The following ZNF420 variants were observed in gnomAD, a reference collection of about 807,000 sequenced individuals.
ZNF420 encodes the protein ATM and p53-associated KZNF protein.
ZNF420 carries 31 observed loss-of-function variants against 44.7 expected under a neutral mutation model. The observed-to-expected ratio is 0.69, with a 90% CI of 0.52 to 0.94. The LOEUF (loss-of-function observed/expected upper bound fraction) is 0.94. Ranked by LOEUF, ZNF420 falls within the 40% of genes least tolerant of loss-of-function variation. The pLI is 0.00. For missense variants in ZNF420, 681 were observed against 827.9 expected, an observed-to-expected ratio of 0.82 and a Z score of 2.18; for synonymous variants, 245 against 267.4, an observed-to-expected ratio of 0.92 and a Z score of 0.82.
chr19:37,015,022 T>C (rs977776938), intron 1 of ZNF420, among the ~76,000 whole-genome samples: 4 of 152,176 alleles, frequency 2.6e-5, no homozygotes, highest in African/African-American at 9.6e-5. Context: ...ACGGCCTGCC[T>C]ATGTGCCCGA....
intron 4 of ZNF420, among the ~76,000 whole-genome samples, chr19:37,112,528 G>A (rs1212131842): frequency 6.6e-6 from 1 of 152,150 alleles, no homozygotes; most frequent in Non-Finnish European, 1.5e-5. Flanking sequence ...TGAAAGCAAT[G>A]ATAGAGACAT....
intron 4 of ZNF420, among the ~76,000 whole-genome samples, chr19:37,101,801 A>T (rs757089610): frequency 7.9e-5 from 12 of 152,198 alleles, no homozygotes; most frequent in Admixed American, 6.5e-5. Context: ...GGTGGCCCAG[A>T]TGGGTGTGCC....
chr19:37,027,390 G>A (rs1308520944), intron 1 of ZNF420, among the ~76,000 whole-genome samples: 2 of 152,148 alleles, frequency 1.3e-5, no homozygotes, highest in Non-Finnish European at 2.9e-5. Flanking sequence ...TCTTGTTAGT[G>A]TGGTATATTT....
intron 1 of ZNF420, among the ~76,000 whole-genome samples, chr19:37,014,023 A>C (rs1277839912): frequency 6.6e-6 from 1 of 152,184 alleles, no homozygotes; most frequent in Non-Finnish European, 1.5e-5. Flanking sequence ...GGAAAAGCAA[A>C]TCACACCTGG....
At chr19:37,105,653 C>T (rs1380662063) in intron 4 of ZNF420, among the ~76,000 whole-genome samples, 1 of 152,140 alleles carries the variant, frequency 6.6e-6, no homozygotes, top group Non-Finnish European at 1.5e-5. Flanking sequence ...GATATTGATT[C>T]TTCCTATCCA....
intron 1 of ZNF420, among the ~76,000 whole-genome samples, chr19:37,057,710 G>T (rs1318611243): frequency 6.6e-6 from 1 of 151,962 alleles, no homozygotes; most frequent in Non-Finnish European, 1.5e-5. Context: ...GAGATGCGTC[G>T]GTCCCGGAGC....
chr19:37,071,026 T>C (rs1485022164), intron 1 of ZNF420, among the ~76,000 whole-genome samples: 2 of 152,226 alleles, frequency 1.3e-5, no homozygotes, highest in African/African-American at 4.8e-5. Flanking sequence ...TGACAGAAAC[T>C]GTATGGCCCG....
intron 1 of ZNF420, among the ~76,000 whole-genome samples, chr19:37,054,787 G>C (rs548755330): frequency 6.6e-6 from 1 of 152,298 alleles, no homozygotes; most frequent in South Asian, 2.1e-4. Context: ...TTTTCTTGGA[G>C]AGTTTCTTGA....
intron 4 of ZNF420, among the ~76,000 whole-genome samples, chr19:37,116,368 CAAAAAAAAAAA>C: frequency 1.3e-5 from 1 of 75,918 alleles, no homozygotes; most frequent in Admixed American, 1.4e-4. Context: ...GACTCCACCT[CAAAAAAAAAAA>C]AAAAAAAAAA....
intron 4 of ZNF420, among the ~76,000 whole-genome samples, chr19:37,120,423 AC>A (rs1278244679): frequency 6.6e-6 from 1 of 151,826 alleles, no homozygotes; most frequent in East Asian, 1.9e-4. Context: ...AAATTCAACA[AC>A]CCTTCATGCT....
intron 4 of ZNF420, among the ~76,000 whole-genome samples, chr19:37,112,368 T>C (rs1050702859): frequency 2.0e-5 from 3 of 152,144 alleles, no homozygotes; most frequent in Admixed American, 2.0e-4. Context: ...TTAACGGGAA[T>C]TGAAGTAATC....
intron 1 of ZNF420, among the ~76,000 whole-genome samples, chr19:37,041,725 A>G (rs1650971607): frequency 6.6e-6 from 1 of 152,160 alleles, no homozygotes; most frequent in African/African-American, 2.4e-5. Context: ...ACAACCAGCT[A>G]TTACTTTATA....
chr19:37,110,479 T>G (rs569770881), intron 4 of ZNF420, among the ~76,000 whole-genome samples: 1 of 152,348 alleles, frequency 6.6e-6, no homozygotes, highest in East Asian at 1.9e-4. Context: ...TCATTTGCTT[T>G]AGTCAAAGGC....
At chr19:37,109,365 C>T (rs1970262508) in intron 4 of ZNF420, 1 of 152,206 alleles carries the variant, frequency 6.6e-6, no homozygotes, top group African/African-American at 2.4e-5. Context: ...GCTGCAGCTG[C>T]TCCTACAGGC....
At chr19:37,084,942 G>A (rs1366763351) in intron 2 of ZNF420, among the ~76,000 whole-genome samples, 1 of 152,022 alleles carries the variant, frequency 6.6e-6, no homozygotes, top group Non-Finnish European at 1.5e-5. Flanking sequence ...TGATTTTTGA[G>A]TTTGTTGATA....
At chr19:37,028,387 G>C (rs574283805) in intron 1 of ZNF420, among the ~76,000 whole-genome samples, 96 of 152,204 alleles carry the variant, frequency 6.3e-4, no homozygotes, top group African/African-American at 2.2e-3. Context: ...ATAATACCTG[G>C]TTGTCCATAA....
chr19:37,080,250 G>A (rs1968362551), intron 1 of ZNF420, 95 bp from the exon 2 acceptor site: 2 of 152,584 alleles, frequency 1.3e-5, no homozygotes, highest in Non-Finnish European at 2.9e-5. Flanking sequence ...TGTTAAATGA[G>A]ATTAAGAGGA....
At chr19:37,058,607 T>G (rs1368949374) in intron 1 of ZNF420, among the ~76,000 whole-genome samples, 1 of 152,080 alleles carries the variant, frequency 6.6e-6, no homozygotes, top group Non-Finnish European at 1.5e-5. Flanking sequence ...CATCCCAAAA[T>G]CTGGCTTGGA....
At chr19:37,023,251 A>T (rs1385296856) in intron 1 of ZNF420, among the ~76,000 whole-genome samples, 1 of 152,214 alleles carries the variant, frequency 6.6e-6, no homozygotes, top group Non-Finnish European at 1.5e-5. Context: ...GAAGACTTTT[A>T]CATACAAAGT....
Sources: gnomAD v4.1 joint callset for allele counts (sites outside exome capture counted in the v4.1 genomes callset) on GRCh38, gnomAD v4.1.1 for gene constraint, MANE v1.5 for transcripts, NCBI Gene and HGNC (gene_info 2026-07-23, HGNC 2026-07-21) for gene names.